Variants in TEX11 observed in about 807,000 individuals in gnomAD.
The protein encoded by TEX11 is testis expressed 11.
A neutral mutation model predicts 84.4 loss-of-function variants in TEX11; 7 were observed. The ratio of observed to expected loss-of-function variants is 0.08; its 90% CI spans 0.05 to 0.16. The LOEUF is 0.16. Ranked by LOEUF, TEX11 falls within the 10% of genes least tolerant of loss-of-function variation. The probability of loss-of-function intolerance (pLI) is 1.00; values close to 1 mark genes in which losing one functional copy is unlikely to be tolerated. For synonymous variants in TEX11, 264 were observed against 222.8 expected (o/e 1.18, Z -1.64); for missense variants, 551 against 660.5 (o/e 0.83, Z 1.82).
At chrX:70,742,895 G>T (rs2090743048) in intron 10 of TEX11, among the ~76,000 whole-genome samples, 1 of 110,615 alleles carries the variant, frequency 9.0e-6, no homozygotes, top group Non-Finnish European at 1.9e-5. Flanking sequence ...ACTGCACCCG[G>T]CTCCATGACC....
At chrX:70,814,498 T>G (rs2091276002) in intron 8 of TEX11, among the ~76,000 whole-genome samples, 1 of 112,573 alleles carries the variant, frequency 8.9e-6, no homozygotes, top group Non-Finnish European at 1.9e-5. Context: ...AAACTGAGTT[T>G]TACATCAAAA....
At chrX:70,621,551 A>AATATATATATAAATATAT (rs2089391146) in intron 20 of TEX11, among the ~76,000 whole-genome samples, 1 of 7,814 alleles carries the variant, frequency 1.3e-4, no homozygotes, top group Admixed American at 2.6e-3. Context: ...AAAAAAAAAA[A>AATATATATATAAATATAT]ATATATATAT....
chrX:70,685,413 A>T (rs1254284486), intron 13 of TEX11, among the ~76,000 whole-genome samples: 2 of 111,806 alleles, frequency 1.8e-5, no homozygotes, highest in Non-Finnish European at 3.8e-5. Flanking sequence ...CAAAAGAATA[A>T]ATTGAACACA....
chrX:70,606,709 G>C (rs2089198554), intron 23 of TEX11, among the ~76,000 whole-genome samples: 1 of 111,793 alleles, frequency 8.9e-6, no homozygotes, highest in Non-Finnish European at 1.9e-5. Flanking sequence ...AAAGAAATAA[G>C]TCTTAAATGG....
At chrX:70,858,119 T>TGA (rs1458629230) in intron 5 of TEX11, among the ~76,000 whole-genome samples, 2 of 108,529 alleles carry the variant, frequency 1.8e-5, no homozygotes, top group African/African-American at 6.7e-5. Flanking sequence ...ACTGCTTGGG[T>TGA]GATGGGTGCA....
chrX:70,815,916 T>G (rs1270197485), intron 8 of TEX11, among the ~76,000 whole-genome samples: 2 of 112,405 alleles, frequency 1.8e-5, no homozygotes, highest in Non-Finnish European at 3.8e-5. Context: ...TTTAAAATTT[T>G]ATTTAATTTT....
chrX:70,691,526 G>A (rs151123335), intron 13 of TEX11, among the ~76,000 whole-genome samples: 129 of 111,368 alleles, frequency 1.2e-3, no homozygotes, highest in African/African-American at 4.0e-3. Context: ...GTGAATAAAC[G>A]CGGAGGACAC....
chrX:70,643,243 A>G (rs374495054), intron 17 of TEX11, among the ~76,000 whole-genome samples: 50 of 106,006 alleles, frequency 4.7e-4, no homozygotes, highest in Middle Eastern at 9.5e-3. Flanking sequence ...AAGGAGAACT[A>G]CAAACCGCTG....
intron 2 of TEX11, among the ~76,000 whole-genome samples, chrX:70,903,412 T>C (rs1266985118): frequency 9.0e-6 from 1 of 110,919 alleles, no homozygotes; most frequent in East Asian, 3.0e-4. Flanking sequence ...TCTACAACTT[T>C]ATAACAGCTC....
At chrX:70,841,059 T>C (rs1465783786) in intron 7 of TEX11, among the ~76,000 whole-genome samples, 6 of 110,904 alleles carry the variant, frequency 5.4e-5, no homozygotes, top group Non-Finnish European at 9.4e-5. Context: ...CTGTCAACAT[T>C]AGACAGATCA....
chrX:70,752,524 C>CAAAAAAAAAAAAAAAAA (rs753939405), intron 9 of TEX11, among the ~76,000 whole-genome samples: 2 of 28,187 alleles, frequency 7.1e-5, no homozygotes, highest in African/African-American at 1.2e-4. Flanking sequence ...TACTCTGTCT[C>CAAAAAAAAAAAAAAAAA]AAAAAAAAAA....
chrX:70,580,971 T>C (rs1039833485), intron 25 of TEX11, among the ~76,000 whole-genome samples: 1 of 111,854 alleles, frequency 8.9e-6, no homozygotes, highest in Non-Finnish European at 1.9e-5. Flanking sequence ...TGCTTATTGA[T>C]TACTAAGCAC....
chrX:70,603,446 A>ATT (rs1333652136), intron 24 of TEX11, among the ~76,000 whole-genome samples: 1 of 105,219 alleles, frequency 9.5e-6, no homozygotes, highest in African/African-American at 3.4e-5. Flanking sequence ...AAAACAAGCA[A>ATT]TGGGGAAAGG....
intron 7 of TEX11, among the ~76,000 whole-genome samples, chrX:70,852,425 A>G (rs2091513553): frequency 8.9e-6 from 1 of 111,906 alleles, no homozygotes; most frequent in Non-Finnish European, 1.9e-5. Flanking sequence ...CCTGGGCTCA[A>G]GCAATCTTTC....
chrX:70,792,593 C>T (rs2091131250), intron 9 of TEX11, among the ~76,000 whole-genome samples: 1 of 106,706 alleles, frequency 9.4e-6, no homozygotes, highest in South Asian at 4.2e-4. Context: ...TACAAAAGAT[C>T]AACGAAACCA....
At chrX:70,885,955 G>T (rs1371966604) in intron 2 of TEX11, among the ~76,000 whole-genome samples, 1 of 110,414 alleles carries the variant, frequency 9.1e-6, no homozygotes, top group South Asian at 3.9e-4. Context: ...TATTGGTGAG[G>T]ATGTAGAGAA....
At chrX:70,877,109 C>T (rs1237389446) in intron 3 of TEX11, among the ~76,000 whole-genome samples, 1 of 110,318 alleles carries the variant, frequency 9.1e-6, no homozygotes, top group Non-Finnish European at 1.9e-5. Flanking sequence ...GCCTGGCCAA[C>T]ATGGCAAAAA....
At chrX:70,720,535 A>G (rs1055888126) in intron 13 of TEX11, among the ~76,000 whole-genome samples, 1 of 105,662 alleles carries the variant, frequency 9.5e-6, no homozygotes, top group Non-Finnish European at 2.0e-5. Context: ...AGAAGGTACT[A>G]AAAAAAAAAG....
intron 28 of TEX11, among the ~76,000 whole-genome samples, chrX:70,535,401 G>A (rs1399358428): frequency 9.0e-6 from 1 of 111,653 alleles, no homozygotes; most frequent in Non-Finnish European, 1.9e-5. Flanking sequence ...TTCAAAGCTA[G>A]AACAATATGA....
Sources: gnomAD v4.1 joint callset for allele counts (sites outside exome capture counted in the v4.1 genomes callset) on GRCh38, gnomAD v4.1.1 for gene constraint, MANE v1.5 for transcripts, NCBI Gene and HGNC (gene_info 2026-07-23, HGNC 2026-07-21) for gene names.